PBX1: variants seen among roughly 807,000 people sequenced by gnomAD.
The protein encoded by PBX1 is pre-B-cell leukemia transcription factor 1.
PBX1 carries 6 observed loss-of-function variants against 53.4 expected under a neutral mutation model. That is an observed-to-expected ratio of 0.11 (90% CI 0.06 to 0.22). The LOEUF is 0.22. PBX1 is among the 10% of genes least tolerant of loss of function. The pLI is 1.00. For missense variants in PBX1, 251 were observed against 551.4 expected, an observed-to-expected ratio of 0.46 and a Z score of 5.46; for synonymous variants, 204 against 212.3, an observed-to-expected ratio of 0.96 and a Z score of 0.34.
At chr1:164,651,930 GGTGT>G (rs57772161) in intron 2 of PBX1, 2,650 of 144,138 alleles carry the variant, frequency 0.018, 50 homozygotes, top group African/African-American at 0.055. Context: ...ATGGAGGGAG[GGTGT>G]GTGTGTGTGT....
chr1:164,840,235 C>T (rs967826787), intron 8 of PBX1, among the ~76,000 whole-genome samples: 19 of 152,234 alleles, frequency 1.2e-4, no homozygotes, highest in East Asian at 9.7e-4. Flanking sequence ...TCTGAGTTAC[C>T]TATGGTACCA....
Position 164,559,779 on chromosome 1 carries a change from A to T in PBX1, c.-44A>T, listed in dbSNP as rs1240713863. The T allele has an allele frequency of 6.8e-6, 10 of 1,470,650 alleles. No individual in the cohort carries two copies. The highest frequency in any genetic ancestry group is 9.1e-6 in the Non-Finnish European group (10 of 1,094,484). The allele number at this position is 1,470,650 out of a possible 1,614,324, so 91.1% of individuals were successfully genotyped here. A position where few individuals can be genotyped will look rare whatever the true frequency, so the allele number is the denominator to read the frequency against. On this transcript the variant is annotated 5_prime_UTR_variant, in exon 1 of 9. Transcript: ENST00000420696. ...TTGGTGCTTCCCAGGAGCCGAGCCGAGGAGCAGAAGAGGAAGAGCCGGGGG... is the reference window on the plus strand; with the variant it reads ...TTGGTGCTTCCCAGGAGCCGAGCCGTGGAGCAGAAGAGGAAGAGCCGGGGG...
At chr1:164,692,216 A>T (rs1662528485) in intron 2 of PBX1, among the ~76,000 whole-genome samples, 1 of 152,206 alleles carries the variant, frequency 6.6e-6, no homozygotes, top group Non-Finnish European at 1.5e-5. Flanking sequence ...CGCAGGCAGA[A>T]GTGGCCATAG....
At chr1:164,815,118 T>C (rs1211006802) in intron 6 of PBX1, 1 of 152,228 alleles carries the variant, frequency 6.6e-6, no homozygotes, top group African/African-American at 2.4e-5. Flanking sequence ...TCTATAATTC[T>C]TCTGTAGTGG....
chr1:164,789,348 G>A (rs1488360964), intron 2 of PBX1, among the ~76,000 whole-genome samples: 1 of 152,210 alleles, frequency 6.6e-6, no homozygotes, highest in Non-Finnish European at 1.5e-5. Flanking sequence ...AGAGGGGTTG[G>A]AAAGAGGAAA....
At chr1:164,567,319 C>G (rs1653503855) in intron 2 of PBX1, among the ~76,000 whole-genome samples, 1 of 152,124 alleles carries the variant, frequency 6.6e-6, no homozygotes, top group African/African-American at 2.4e-5. Flanking sequence ...TTAGAAGCAG[C>G]CTCTGATCAG....
chr1:164,877,278 A>C (rs1236202722), intron 2 of PBX1, among the ~76,000 whole-genome samples: 1 of 151,968 alleles, frequency 6.6e-6, no homozygotes, highest in African/African-American at 2.4e-5. Flanking sequence ...CCCAAACCAA[A>C]CAAGCAAAAT....
intron 2 of PBX1, among the ~76,000 whole-genome samples, chr1:164,728,241 T>TG (rs2102128380): frequency 6.6e-6 from 1 of 150,460 alleles, no homozygotes; most frequent in African/African-American, 2.5e-5. Flanking sequence ...TGCTTGAGCC[T>TG]GGGAGACCGA....
chr1:164,751,101 A>C (rs1210115763), intron 2 of PBX1, among the ~76,000 whole-genome samples: 1 of 152,040 alleles, frequency 6.6e-6, no homozygotes, highest in Non-Finnish European at 1.5e-5. Context: ...GGATCACTTG[A>C]GGTCAGGAGT....
At chr1:164,564,034 A>C (rs1653254552) in intron 2 of PBX1, 1 of 152,204 alleles carries the variant, frequency 6.6e-6, no homozygotes, top group African/African-American at 2.4e-5. Flanking sequence ...GTTCTTAAAC[A>C]ACAGATGCTC....
At chr1:164,643,584 G>A (rs758000157) in intron 2 of PBX1, among the ~76,000 whole-genome samples, 1 of 152,154 alleles carries the variant, frequency 6.6e-6, no homozygotes, top group Non-Finnish European at 1.5e-5. Flanking sequence ...CTGCAGCACT[G>A]TTTGTTTCCA....
chr1:164,870,282 TTTC>T (rs1672335828), intron 2 of PBX1, among the ~76,000 whole-genome samples: 1 of 26,024 alleles, frequency 3.8e-5, no homozygotes, highest in Admixed American at 4.5e-4. Flanking sequence ...TCTTTCTTTC[TTTC>T]TTTCTTTCTT....
intron 2 of PBX1, among the ~76,000 whole-genome samples, chr1:164,564,552 C>G (rs1454673845): frequency 6.6e-6 from 1 of 152,040 alleles, no homozygotes; most frequent in African/African-American, 2.4e-5. Flanking sequence ...GTACGCAGCT[C>G]CTTTGTTGAA....
intron 2 of PBX1, among the ~76,000 whole-genome samples, chr1:164,704,123 A>G (rs1663288792): frequency 6.6e-6 from 1 of 151,822 alleles, no homozygotes; most frequent in African/African-American, 2.4e-5. Context: ...CCTATAGTTA[A>G]AAAAAAAGTA....
chr1:164,789,040 C>T (rs776211496), intron 2 of PBX1, among the ~76,000 whole-genome samples: 2 of 152,118 alleles, frequency 1.3e-5, no homozygotes, highest in Non-Finnish European at 2.9e-5. Context: ...ACCACCACTG[C>T]GCCCAATTAA....
At chr1:164,857,096 C>T (rs1671995071) in intron 2 of PBX1, among the ~76,000 whole-genome samples, 1 of 152,164 alleles carries the variant, frequency 6.6e-6, no homozygotes, top group Non-Finnish European at 1.5e-5. Context: ...CTTCAGACTC[C>T]TAAGGTTTAA....
At chr1:164,824,901 C>T (rs1670376328) in intron 8 of PBX1, among the ~76,000 whole-genome samples, 1 of 152,154 alleles carries the variant, frequency 6.6e-6, no homozygotes. Context: ...TAGACTATTG[C>T]CATAACTTCC....
At chr1:164,779,878 C>T (rs748555663) in intron 2 of PBX1, among the ~76,000 whole-genome samples, 1 of 152,160 alleles carries the variant, frequency 6.6e-6, no homozygotes, top group East Asian at 1.9e-4. Context: ...TGTTGCTTTA[C>T]ACAGTGAGCA....
chr1:164,867,259 A>G (rs1672240278), intron 2 of PBX1, among the ~76,000 whole-genome samples: 1 of 152,168 alleles, frequency 6.6e-6, no homozygotes, highest in East Asian at 1.9e-4. Context: ...ATGAGATACT[A>G]TATTCAAAAG....
Sources: gnomAD v4.1 joint callset for allele counts (sites outside exome capture counted in the v4.1 genomes callset) on GRCh38, gnomAD v4.1.1 for gene constraint, MANE v1.5 for transcripts, NCBI Gene and HGNC (gene_info 2026-07-23, HGNC 2026-07-21) for gene names.